NRG1: variants seen among roughly 807,000 people sequenced by gnomAD.
The protein encoded by NRG1 is neuregulin 1, also known as pro-neuregulin-1, membrane-bound isoform.
Under a neutral mutation model 63.8 loss-of-function variants are expected in NRG1, and 18 were observed. The ratio of observed to expected loss-of-function variants is 0.28; its 90% CI spans 0.19 to 0.42. NRG1 has a LOEUF of 0.42. Ranked by LOEUF, NRG1 falls within the 10% of genes least tolerant of loss-of-function variation. The pLI, the probability that NRG1 is intolerant of heterozygous loss-of-function variation, is 1.00. For missense variants in NRG1, 762 were observed against 814.7 expected (o/e 0.94, Z 0.79); for synonymous variants, 302 against 301.3 (o/e 1.00, Z -0.02).
chr8:32,031,250 C>T (rs1349564809), intron 1 of NRG1, among the ~76,000 whole-genome samples: 3 of 152,190 alleles, frequency 2.0e-5, no homozygotes, highest in African/African-American at 7.2e-5. Flanking sequence ...GCCCAGGCCA[C>T]CCCAGGACCT....
At chr8:32,501,901 A>G (rs1390422426) in intron 1 of NRG1, among the ~76,000 whole-genome samples, 2 of 152,172 alleles carry the variant, frequency 1.3e-5, no homozygotes, top group Admixed American at 6.5e-5. Flanking sequence ...CTAAGGTGGG[A>G]GGATTGCTTG....
At chr8:31,873,342 C>T (rs1049106969) in intron 1 of NRG1, among the ~76,000 whole-genome samples, 1 of 152,022 alleles carries the variant, frequency 6.6e-6, no homozygotes, top group African/African-American at 2.4e-5. Context: ...GGGTGGATCA[C>T]GAGGTCAGGA....
At chr8:32,229,171 G>A (rs1846643977) in intron 1 of NRG1, among the ~76,000 whole-genome samples, 1 of 152,160 alleles carries the variant, frequency 6.6e-6, no homozygotes, top group Non-Finnish European at 1.5e-5. Context: ...GCCACGAAGT[G>A]AGAGAATTGG....
At chr8:32,734,327 G>A (rs560758955) in intron 6 of NRG1, among the ~76,000 whole-genome samples, 65 of 152,326 alleles carry the variant, frequency 4.3e-4, no homozygotes, top group Admixed American at 1.6e-3. Context: ...ACTCACAGTT[G>A]TGTCCTGCAG....
At chr8:32,379,853 A>G (rs1380914553) in intron 1 of NRG1, among the ~76,000 whole-genome samples, 1 of 152,194 alleles carries the variant, frequency 6.6e-6, no homozygotes, top group Non-Finnish European at 1.5e-5. Context: ...CTGTATTTTC[A>G]AGGACTTCGT....
intron 7 of NRG1, chr8:32,750,970 A>G (rs1358048193): frequency 1.3e-5 from 2 of 152,092 alleles, no homozygotes; most frequent in Admixed American, 6.6e-5. Flanking sequence ...AAATTCTACC[A>G]TTACCCCAAA....
chr8:32,508,678 A>G (rs942772890), intron 1 of NRG1, among the ~76,000 whole-genome samples: 3 of 152,082 alleles, frequency 2.0e-5, no homozygotes, highest in African/African-American at 7.2e-5. Context: ...TAGGAAACCT[A>G]CACTATTTAT....
chr8:31,767,673 C>G (rs947111265), intron 1 of NRG1, among the ~76,000 whole-genome samples: 1 of 151,928 alleles, frequency 6.6e-6, no homozygotes, highest in African/African-American at 2.4e-5. Context: ...AACCCCGTCT[C>G]TACTAAAAAT....
intron 1 of NRG1, among the ~76,000 whole-genome samples, chr8:32,362,861 A>G (rs1026912839): frequency 1.3e-5 from 2 of 152,194 alleles, no homozygotes; most frequent in African/African-American, 4.8e-5. Flanking sequence ...AGCACCCCAC[A>G]TGTGACAGAT....
chr8:32,006,858 G>T (rs1219258574), intron 1 of NRG1, among the ~76,000 whole-genome samples: 2 of 152,018 alleles, frequency 1.3e-5, no homozygotes, highest in African/African-American at 4.8e-5. Context: ...AGCTAAGCTG[G>T]CCAGGACTTC....
chr8:31,738,682 G>C (rs1814943633), intron 1 of NRG1, among the ~76,000 whole-genome samples: 1 of 152,062 alleles, frequency 6.6e-6, no homozygotes, highest in Non-Finnish European at 1.5e-5. Context: ...CATGCTCCCT[G>C]TGGGGTTCTG....
chr8:32,539,953 A>G (rs947052210), intron 1 of NRG1, among the ~76,000 whole-genome samples: 1 of 152,202 alleles, frequency 6.6e-6, no homozygotes. Flanking sequence ...GCACTGGTAA[A>G]CTTTGAGCAG....
intron 1 of NRG1, among the ~76,000 whole-genome samples, chr8:31,838,997 C>G (rs1190233036): frequency 6.6e-6 from 1 of 151,970 alleles, no homozygotes; most frequent in East Asian, 1.9e-4. Context: ...CAGACTTTTC[C>G]CTTGAAATGT....
intron 1 of NRG1, among the ~76,000 whole-genome samples, chr8:32,262,199 G>T (rs572884285): frequency 6.6e-6 from 1 of 152,250 alleles, no homozygotes; most frequent in Non-Finnish European, 1.5e-5. Flanking sequence ...GAAAAAGAGA[G>T]GATTCATATA....
chr8:31,882,493 C>A (rs1027271860), intron 1 of NRG1, among the ~76,000 whole-genome samples: 2 of 152,036 alleles, frequency 1.3e-5, no homozygotes, highest in African/African-American at 2.4e-5. Context: ...GACCAAGGAG[C>A]AATTTCAACG....
intron 1 of NRG1, among the ~76,000 whole-genome samples, chr8:32,262,370 A>T (rs1850476255): frequency 6.6e-6 from 1 of 152,198 alleles, no homozygotes; most frequent in Admixed American, 6.5e-5. Context: ...GCATTTGCAG[A>T]ATCAGGAGAC....
chr8:31,856,851 C>G (rs982769092), intron 1 of NRG1, among the ~76,000 whole-genome samples: 6 of 151,960 alleles, frequency 3.9e-5, no homozygotes, highest in Middle Eastern at 3.4e-3. Flanking sequence ...CTCAGCTGCA[C>G]TTCTGTTGGA....
chr8:31,853,919 G>A (rs1827541229), intron 1 of NRG1, among the ~76,000 whole-genome samples: 1 of 151,622 alleles, frequency 6.6e-6, no homozygotes, highest in Non-Finnish European at 1.5e-5. Context: ...TACATTTATT[G>A]ATTTGCGTGT....
chr8:32,686,009 G>T (rs778512509), intron 5 of NRG1, among the ~76,000 whole-genome samples: 1 of 152,178 alleles, frequency 6.6e-6, no homozygotes, highest in South Asian at 2.1e-4. Context: ...CTCCAGAAAA[G>T]ATTTATTATA....
Sources: gnomAD v4.1 joint callset for allele counts (sites outside exome capture counted in the v4.1 genomes callset) on GRCh38, gnomAD v4.1.1 for gene constraint, MANE v1.5 for transcripts, NCBI Gene and HGNC (gene_info 2026-07-23, HGNC 2026-07-21) for gene names.